The following SCUBE2 variants were observed in gnomAD, a reference collection of about 807,000 sequenced individuals.
The protein encoded by SCUBE2 is signal peptide, CUB and EGF-like domain-containing protein 2.
In SCUBE2, 114 loss-of-function variants were observed where a neutral mutation model predicts 125.9. That is an observed-to-expected ratio of 0.91 (90% CI 0.78 to 1.06). SCUBE2 has a LOEUF of 1.06. SCUBE2 is among the 50% of genes least tolerant of loss of function. The pLI is 0.00. For missense variants in SCUBE2, 1,255 were observed against 1,301.8 expected, an observed-to-expected ratio of 0.96 and a Z score of 0.55; for synonymous variants, 459 against 492.9, an observed-to-expected ratio of 0.93 and a Z score of 0.91.
intron 3 of SCUBE2, among the ~76,000 whole-genome samples, chr11:9,078,281 T>C (rs1208600419): frequency 6.6e-6 from 1 of 152,238 alleles, no homozygotes; most frequent in African/African-American, 2.4e-5. Flanking sequence ...TACTGACAGC[T>C]GCAGGCTTGG....
intron 16 of SCUBE2, among the ~76,000 whole-genome samples, chr11:9,040,820 G>A (rs182942674): frequency 1.5e-4 from 23 of 152,352 alleles, no homozygotes; most frequent in Middle Eastern, 3.4e-3. Flanking sequence ...CCACTCTGAA[G>A]AGTGGGCAAT....
At chr11:9,049,239 C>A (rs1858105906) in intron 14 of SCUBE2, among the ~76,000 whole-genome samples, 1 of 152,032 alleles carries the variant, frequency 6.6e-6, no homozygotes, top group Non-Finnish European at 1.5e-5. Flanking sequence ...CTATTTTTAT[C>A]ATTGTATTTA....
intron 13 of SCUBE2, among the ~76,000 whole-genome samples, chr11:9,051,008 C>A (rs932495076): frequency 6.6e-6 from 1 of 152,052 alleles, no homozygotes; most frequent in Non-Finnish European, 1.5e-5. Flanking sequence ...ACTAAAAATA[C>A]AAAAATTAGC....
intron 16 of SCUBE2, among the ~76,000 whole-genome samples, chr11:9,038,307 T>C (rs892482319): frequency 6.6e-6 from 1 of 152,152 alleles, no homozygotes; most frequent in African/African-American, 2.4e-5. Context: ...TTTAGAACTG[T>C]GGCCAAGAAA....
intron 7 of SCUBE2, among the ~76,000 whole-genome samples, chr11:9,062,255 G>A (rs960986335): frequency 6.6e-6 from 1 of 152,190 alleles, no homozygotes; most frequent in Non-Finnish European, 1.5e-5. Context: ...GCCATTGAAA[G>A]TTCCAAAAAG....
chr11:9,079,358 T>A (rs747400745), intron 3 of SCUBE2, 26 bp downstream of exon 3: 3 of 1,613,440 alleles, frequency 1.9e-6, no homozygotes, highest in Non-Finnish European at 2.5e-6. Flanking sequence ...TGAAGGAGAA[T>A]TGCCATTTCC....
rs140472597 is a variant in SCUBE2, at chr11:9,081,874, T to C, written c.257-2365A>G. Among the ~76,000 whole-genome samples, 132 of 152,372 alleles carry C rather than the reference T, an allele frequency of 8.7e-4. No individual in the cohort carries two copies. In the East Asian group the frequency reaches 0.024, roughly 28 times the overall value. On this transcript the variant is annotated intron_variant, in intron 2 of 22. Coordinates refer to ENST00000649792, the MANE Select transcript of SCUBE2 (RefSeq NM_001367977.2). The stretch of plus-strand genomic sequence containing the variant: ...GAAGTGGAATTGCTGGGTCCTATGG[T>C]AATTTTTTTTAAAATTTTTTGAGGA...
At chr11:9,050,837 C>T (rs1458926811) in intron 13 of SCUBE2, 127 bp from the exon 14 acceptor site, 7 of 736,246 alleles carry the variant, frequency 9.5e-6, no homozygotes, top group African/African-American at 1.7e-5. Context: ...CCCTCTCCTA[C>T]CCTGAGGCTA....
chr11:9,085,489 G>A (rs1234036425), intron 2 of SCUBE2, among the ~76,000 whole-genome samples: 8 of 152,170 alleles, frequency 5.3e-5, no homozygotes, highest in Non-Finnish European at 8.8e-5. Context: ...CACTTTGGGA[G>A]GCCAAGGCAG....
intron 14 of SCUBE2, chr11:9,050,319 G>C (rs1440590124): frequency 3.2e-6 from 1 of 312,182 alleles, no homozygotes; most frequent in Non-Finnish European, 5.9e-6. Context: ...TAATTCATCT[G>C]AAGCCCTTAT....
chr11:9,084,537 A>AAAT (rs1554900419), intron 2 of SCUBE2, among the ~76,000 whole-genome samples: 7 of 151,574 alleles, frequency 4.6e-5, no homozygotes, highest in African/African-American at 1.7e-4. Flanking sequence ...GGGAAAAAAA[A>AAAT]ATATATAGTA....
In SCUBE2 at chr11:9,027,551, A is replaced by G. The variant is rs1179040267; in HGVS notation, c.2514T>C (p.Cys838=). The change falls in exon 20 of 23, where the codon TGT becomes TGC. Residue 838 remains cysteine (C), a synonymous_variant. Transcript: ENST00000649792. Reference sequence around the variant, plus strand: ...CAGTGAAATCTCCCAGCTCCCCTCCACATCTTCTGTCTGAAAAAGGAGATG... The same window carrying G: ...CAGTGAAATCTCCCAGCTCCCCTCCGCATCTTCTGTCTGAAAAAGGAGATG... ...TNITQCKNRR[C]GGELGDFTGY... 1 of 1,613,082 alleles carries G rather than the reference A, an allele frequency of 6.2e-7. No individual in the cohort carries two copies.
chr11:9,025,525 T>G (rs1374506260), intron 21 of SCUBE2, 177 bp downstream of exon 21: 1 of 609,422 alleles, frequency 1.6e-6, no homozygotes, highest in Non-Finnish European at 2.8e-6. Flanking sequence ...TTCCTCCTAT[T>G]GTCAGTGTCC....
chr11:9,088,545 G>A (rs976228992), intron 2 of SCUBE2, among the ~76,000 whole-genome samples: 1 of 152,202 alleles, frequency 6.6e-6, no homozygotes, highest in African/African-American at 2.4e-5. Context: ...TATGTTTTTC[G>A]AAGTGGAAAG....
At chr11:9,082,936 A>G (rs925386929) in intron 2 of SCUBE2, among the ~76,000 whole-genome samples, 11 of 150,626 alleles carry the variant, frequency 7.3e-5, no homozygotes, top group African/African-American at 2.7e-4. Context: ...GACTTGCACA[A>G]TTAAAATTGG....
intron 18 of SCUBE2, among the ~76,000 whole-genome samples, 158 bp downstream of exon 18, chr11:9,030,600 C>T (rs1371784609): frequency 1.3e-5 from 2 of 152,304 alleles, no homozygotes; most frequent in South Asian, 2.1e-4. Context: ...AGTTCCAGTG[C>T]CCCCTGCACA....
rs1284652292 is a variant in SCUBE2, at chr11:9,065,802, T to C, written c.850+89A>G. On this transcript the variant is annotated intron_variant, in intron 7 of 22. Transcript: ENST00000649792. ...CCCCAGTCCAGCTGGTCTGAGGGCA[T>C]GTGGCTCCCAAGTTCAGGTCTGATG... The C allele has an allele frequency of 5.4e-6, 6 of 1,107,010 alleles. No individual in the cohort carries two copies. In the African/African-American group the frequency reaches 6.1e-5, roughly 11 times the overall value. 68.6% of individuals were successfully genotyped at this position (1,107,010 alleles called of 1,614,324 possible).
intron 7 of SCUBE2, among the ~76,000 whole-genome samples, chr11:9,062,816 A>G (rs1425337758): frequency 6.6e-6 from 1 of 151,882 alleles, no homozygotes; most frequent in Admixed American, 6.6e-5. Context: ...TACAAAGGAG[A>G]GAAAAGAAAA....
chr11:9,090,467 T>G (rs1363361512), intron 1 of SCUBE2: 3 of 42,632 alleles, frequency 7.0e-5, no homozygotes, highest in Non-Finnish European at 2.3e-4. Flanking sequence ...CATTATGAGA[T>G]TTTTTTTTTA....
Sources: allele counts gnomAD v4.1 joint callset (sites outside exome capture counted in the v4.1 genomes callset), GRCh38; gene constraint gnomAD v4.1.1; transcripts MANE v1.5; gene names NCBI Gene and HGNC (gene_info 2026-07-23, HGNC 2026-07-21).